Variants in ZNF445 observed in about 807,000 individuals in gnomAD.
The protein encoded by ZNF445 is zinc finger protein 445.
A neutral mutation model predicts 93.9 loss-of-function variants in ZNF445; 19 were observed. The ratio of observed to expected loss-of-function variants is 0.20; its 90% CI spans 0.14 to 0.30. ZNF445 has a LOEUF of 0.30. Ranked by LOEUF, ZNF445 falls within the 10% of genes least tolerant of loss-of-function variation. The pLI, the probability that ZNF445 is intolerant of heterozygous loss-of-function variation, is 1.00. For synonymous variants in ZNF445, 449 were observed against 446.3 expected (o/e 1.01, Z -0.08); for missense variants, 1,058 against 1,259.4 (o/e 0.84, Z 2.42).
chr3:44,470,093 C>A (rs114117572), intron 1 of ZNF445, among the ~76,000 whole-genome samples: 41 of 152,154 alleles, frequency 2.7e-4, no homozygotes, highest in African/African-American at 9.9e-4. Flanking sequence ...CTCACTCTGC[C>A]TGACTTTTTT....
chr3:44,465,065 T>TAAAAAAAAAAAAAAAAAAAAAAAA (rs34412481), intron 1 of ZNF445, among the ~76,000 whole-genome samples: 1 of 113,378 alleles, frequency 8.8e-6, no homozygotes, highest in Non-Finnish European at 1.8e-5. Flanking sequence ...AGACTCCGCC[T>TAAAAAAAAAAAAAAAAAAAAAAAA]AAAAAAAAAA....
rs376783121 is a variant in ZNF445, at chr3:44,440,038, C to T, written c.*6537G>A. 1.1e-4 allele frequency: 16 copies of T among 152,294 alleles called. No homozygotes were observed. Among genetic ancestry groups the T allele is most frequent in the South Asian group, 2.1e-4 (1 of 4,826 alleles). The allele number at this position is 152,294 out of a possible 1,614,324, so 9.4% of individuals were successfully genotyped here. A position where few individuals can be genotyped will look rare whatever the true frequency, so the allele number is the denominator to read the frequency against. ...AGCTTGAATGCTATTAGCAGACAAACGTCAAACATGGGGAGACTCTATTCT... is the reference window on the plus strand; with the variant it reads ...AGCTTGAATGCTATTAGCAGACAAATGTCAAACATGGGGAGACTCTATTCT... On this transcript the variant is annotated 3_prime_UTR_variant, in exon 8 of 8. Transcript: ENST00000396077.
At position 44,433,135 on chromosome 3, in the gene ZNF445, T is replaced by C. The variant is rs554480935; in HGVS notation, c.*13440A>G. 8.6e-5 allele frequency: 13 copies of C among 152,024 alleles called. No individual in the cohort carries two copies. Among genetic ancestry groups the C allele is most frequent in the African/African-American group, 2.9e-4 (12 of 41,476 alleles). The allele number at this position is 152,024 out of a possible 1,614,324, so 9.4% of individuals were successfully genotyped here. A position where few individuals can be genotyped will look rare whatever the true frequency, so the allele number is the denominator to read the frequency against. ...GCTAAGGGTCATCGTTCTTTTTTTTTTTTTTTCCCGCTCTGTTGTCCAGGC... is the reference window on the plus strand; with the variant it reads ...GCTAAGGGTCATCGTTCTTTTTTTTCTTTTTTCCCGCTCTGTTGTCCAGGC... On this transcript the variant is annotated 3_prime_UTR_variant, in exon 8 of 8. Transcript: ENST00000396077.
At chr3:44,459,434 A>G (rs942857154) in intron 1 of ZNF445, among the ~76,000 whole-genome samples, 1 of 152,228 alleles carries the variant, frequency 6.6e-6, no homozygotes, top group African/African-American at 2.4e-5. Context: ...TTTCATGATG[A>G]CAATTCTTCC....
In ZNF445 at chr3:44,442,221, A is replaced by C. The variant is rs1203741636; in HGVS notation, c.*4354T>G. 1 of 152,208 alleles carries C rather than the reference A, an allele frequency of 6.6e-6. No homozygotes were observed. Among genetic ancestry groups the C allele is most frequent in the Admixed American group, 6.5e-5 (1 of 15,276 alleles). 9.4% of individuals were successfully genotyped at this position (152,208 alleles called of 1,614,324 possible). A position where few individuals can be genotyped will look rare whatever the true frequency, so the allele number is the denominator to read the frequency against. On this transcript the variant is annotated 3_prime_UTR_variant, in exon 8 of 8. Transcript: ENST00000396077. ...TATTCACTTTCCAAGGACCAAAAAC[A>C]ACCCATTTATTTATCCATTCTTCTG...
chr3:44,466,778 T>C (rs1435797502), intron 1 of ZNF445, among the ~76,000 whole-genome samples: 6 of 152,236 alleles, frequency 3.9e-5, no homozygotes, highest in Admixed American at 1.3e-4. Context: ...AATAGATGAA[T>C]GGTGTTTGGT....
In ZNF445 at chr3:44,440,275, T is replaced by C. The variant is rs1209612082; in HGVS notation, c.*6300A>G. On this transcript the variant is annotated 3_prime_UTR_variant, in exon 8 of 8. Transcript: ENST00000396077. Reference sequence around the variant, plus strand: ...CAGGGTTAACATTAACTTTAAAAGGTGTGGTAGCTGGCATACAAGTATTTA... The same window carrying C: ...CAGGGTTAACATTAACTTTAAAAGGCGTGGTAGCTGGCATACAAGTATTTA... 4.6e-5 allele frequency: 7 copies of C among 152,226 alleles called. No individual in the cohort carries two copies. The highest frequency in any genetic ancestry group is 1.4e-4 in the African/African-American group (6 of 41,456). The allele number at this position is 152,226 out of a possible 1,614,324, so 9.4% of individuals were successfully genotyped here.
intron 1 of ZNF445, among the ~76,000 whole-genome samples, chr3:44,458,791 G>A (rs902399931): frequency 4.6e-5 from 7 of 152,056 alleles, no homozygotes; most frequent in Admixed American, 2.0e-4. Context: ...TCTGCTGGCC[G>A]TAAATTCTCT....
At chr3:44,468,284 C>A (rs1301256322) in intron 1 of ZNF445, among the ~76,000 whole-genome samples, 1 of 152,206 alleles carries the variant, frequency 6.6e-6, no homozygotes, top group Non-Finnish European at 1.5e-5. Context: ...AAAATTATGA[C>A]TGAGACAGTG....
intron 1 of ZNF445, among the ~76,000 whole-genome samples, chr3:44,476,315 T>G (rs1270340487): frequency 1.3e-5 from 2 of 152,174 alleles, no homozygotes. Context: ...CCTTTTTAAG[T>G]GCATACTGAG....
At position 44,455,250 on chromosome 3, in the gene ZNF445, C is replaced by T. The variant is rs1443913788; in HGVS notation, c.300G>A (p.Leu100=). The change falls in exon 3 of 8, where the codon CTG becomes CTA. Residue 100 remains leucine (L), a synonymous_variant. Transcript: ENST00000396077. ...CAGGCAGGATGCTCAGGAACTGTTC[C>T]AGCACCAGCAGCTCTAGGATCTGTG... ...SKAQILELLV[L]EQFLSILPGE... The T allele has an allele frequency of 1.2e-6, 2 of 1,614,114 alleles. No individual in the cohort carries two copies. Among genetic ancestry groups the T allele is most frequent in the African/African-American group, 2.7e-5 (2 of 74,936 alleles).
intron 1 of ZNF445, among the ~76,000 whole-genome samples, chr3:44,460,087 G>A (rs1039932411): frequency 2.0e-5 from 3 of 152,170 alleles, no homozygotes; most frequent in Admixed American, 6.5e-5. Flanking sequence ...TAGATGCACG[G>A]TATATAGACA....
In ZNF445 at chr3:44,450,928, C is replaced by T. The variant is rs145156805; in HGVS notation, c.633G>A (p.Pro211=). 48 of 1,599,672 alleles carry T rather than the reference C, an allele frequency of 3.0e-5. No homozygotes were observed. The highest frequency in any genetic ancestry group is 6.7e-5 in the African/African-American group (5 of 74,512). ...TPAAQMPALF[P]REGCPGDQVT... ...CCTGGTCTCCCGGGCACCCCTCTCT[C>T]GGGAAAAGGGCAGGCATCTGGGCAG... is the stretch of plus-strand genomic sequence containing the variant. The change falls in exon 5 of 8, where the codon CCG becomes CCA. Residue 211 remains proline (P), a synonymous_variant. Transcript: ENST00000396077.
At position 44,435,332 on chromosome 3, in the gene ZNF445, T is replaced by A. The variant is rs1697655150; in HGVS notation, c.*11243A>T. 1 of 152,246 alleles carries A rather than the reference T, an allele frequency of 6.6e-6. No homozygotes were observed. Among genetic ancestry groups the A allele is most frequent in the Non-Finnish European group, 1.5e-5 (1 of 68,052 alleles). 9.4% of individuals were successfully genotyped at this position (152,246 alleles called of 1,614,324 possible). A position where few individuals can be genotyped will look rare whatever the true frequency, so the allele number is the denominator to read the frequency against. On this transcript the variant is annotated 3_prime_UTR_variant, in exon 8 of 8. Coordinates refer to ENST00000396077, the MANE Select transcript of ZNF445 (RefSeq NM_181489.6). Reference sequence around the variant, plus strand: ...ACCCATGTCACAGTGATTGATTTACTGTGTGAGAACAGAACAAACCTGGGC... The same window carrying A: ...ACCCATGTCACAGTGATTGATTTACAGTGTGAGAACAGAACAAACCTGGGC...
At position 44,446,928 on chromosome 3, in the gene ZNF445, G is replaced by T. The variant is rs747560152; in HGVS notation, c.2743C>A (p.Gln915Lys). 2.5e-6 allele frequency: 4 copies of T among 1,614,142 alleles called. No individual in the cohort carries two copies. The highest frequency in any genetic ancestry group is 3.4e-6 in the Non-Finnish European group (4 of 1,180,030). ...TGTGCTGCTCTGGTGTGTTTCCTCTGGTGACTGGAAAGGGTATGTCTCCCA... is the reference window on the plus strand; with the variant it reads ...TGTGCTGCTCTGGTGTGTTTCCTCTTGTGACTGGAAAGGGTATGTCTCCCA... ...FIGRHTLSSH[Q>K]RKHTRAAQAE... Residue 915 changes from glutamine (Q) to lysine (K), a missense_variant, in exon 8 of 8, where the codon CAG becomes AAG. This residue lies in a region of ZNF445 where 387 missense variants were observed against 475.7 expected (regional missense o/e 0.81). Transcript: ENST00000396077. The surrounding 1 kb of genome is among the most constrained non-coding windows in gnomAD (Gnocchi z 4.2).
chr3:44,463,316 G>T (rs1313420887), intron 1 of ZNF445, among the ~76,000 whole-genome samples: 3 of 152,134 alleles, frequency 2.0e-5, no homozygotes, highest in Non-Finnish European at 4.4e-5. Flanking sequence ...GATTACAGGT[G>T]TGAGCCACTG....
In ZNF445 at chr3:44,447,999, G is replaced by A. The variant is rs1449828767; in HGVS notation, c.1672C>T (p.Leu558=). ...TTCTTAGCATGGGTTTCTCGGTGCA[G>A]ACGGTAGGCTGACAGGCGTCGGAAA... The part of the protein sequence containing the change: ...KAFRRLSAYR[L]HRETHAKKKF... The change falls in exon 8 of 8, where the codon CTG becomes TTG. Residue 558 remains leucine, a synonymous_variant. Transcript: ENST00000396077. This position sits in a 1 kb window ranked among gnomAD's most constrained non-coding sequence, Gnocchi z 4.7. 1 of 1,611,714 alleles carries A rather than the reference G, an allele frequency of 6.2e-7. No homozygotes were observed.
chr3:44,475,667 T>C (rs982229140), intron 1 of ZNF445, among the ~76,000 whole-genome samples: 8 of 152,198 alleles, frequency 5.3e-5, no homozygotes, highest in Non-Finnish European at 7.3e-5. Flanking sequence ...AGGAGACAGA[T>C]TCGTGGTATG....
rs1459339203 is a variant in ZNF445, at chr3:44,434,655, G to A, written c.*11920C>T. ...ATCATGAGCTGGGCGGCAGAGTTGAGGCAGCCTTGAGATAGGGTGGTGAAG... is the reference window on the plus strand; with the variant it reads ...ATCATGAGCTGGGCGGCAGAGTTGAAGCAGCCTTGAGATAGGGTGGTGAAG... On this transcript the variant is annotated 3_prime_UTR_variant, in exon 8 of 8. Coordinates refer to ENST00000396077, the MANE Select transcript of ZNF445 (RefSeq NM_181489.6). 1 of 152,200 alleles carries A rather than the reference G, an allele frequency of 6.6e-6. No individual in the cohort carries two copies. The highest frequency in any genetic ancestry group is 1.9e-4 in the East Asian group (1 of 5,184). The allele number at this position is 152,200 out of a possible 1,614,324, so 9.4% of individuals were successfully genotyped here. A position where few individuals can be genotyped will look rare whatever the true frequency, so the allele number is the denominator to read the frequency against.
Sources: gnomAD v4.1 joint callset for allele counts (sites outside exome capture counted in the v4.1 genomes callset) on GRCh38, gnomAD v4.1.1 for gene constraint, gnomAD v4.1.1 regional missense constraint, Gnocchi (gnomAD v3.1) non-coding constraint, MANE v1.5 for transcripts, NCBI Gene and HGNC (gene_info 2026-07-23, HGNC 2026-07-21) for gene names.